Variants in CSMD1 observed in about 807,000 individuals in gnomAD.
CSMD1 encodes CUB and sushi domain-containing protein 1.
Under a neutral mutation model 417.5 loss-of-function variants are expected in CSMD1, and 213 were observed. That is an observed-to-expected ratio of 0.51 (90% CI 0.46 to 0.57). The LOEUF (loss-of-function observed/expected upper bound fraction) is 0.57. Among genes scored for constraint, CSMD1 ranks in the 20% least tolerant of loss-of-function variants. The pLI, the probability that CSMD1 is intolerant of heterozygous loss-of-function variation, is 0.00. For missense variants in CSMD1, 6,923 were observed against 4,529.7 expected, an observed-to-expected ratio of 1.53 and a Z score of -15.17; for synonymous variants, 2,862 against 1,736.8, an observed-to-expected ratio of 1.65 and a Z score of -16.11.
At chr8:4,928,965 G>C (rs766337462) in intron 1 of CSMD1, among the ~76,000 whole-genome samples, 3 of 152,044 alleles carry the variant, frequency 2.0e-5, no homozygotes, top group African/African-American at 7.2e-5. Flanking sequence ...CAGCTACTTG[G>C]AAGGCTGAAG....
At chr8:4,175,468 T>C (rs958785606) in intron 3 of CSMD1, among the ~76,000 whole-genome samples, 3 of 152,126 alleles carry the variant, frequency 2.0e-5, no homozygotes, top group African/African-American at 4.8e-5. Context: ...AGCAAAAGCA[T>C]CCAAAATTGT....
intron 41 of CSMD1, among the ~76,000 whole-genome samples, chr8:3,134,495 G>A (rs1817969451): frequency 6.6e-6 from 1 of 152,234 alleles, no homozygotes; most frequent in Non-Finnish European, 1.5e-5. Flanking sequence ...AGATCTGTCA[G>A]GTGTCAGGTC....
chr8:4,524,229 G>A (rs1186682260), intron 2 of CSMD1, among the ~76,000 whole-genome samples: 1 of 150,610 alleles, frequency 6.6e-6, no homozygotes, highest in Non-Finnish European at 1.5e-5. Flanking sequence ...ACATTGAAGT[G>A]TATAAAGAAT....
intron 3 of CSMD1, among the ~76,000 whole-genome samples, chr8:4,161,353 T>C (rs987471602): frequency 6.6e-6 from 1 of 152,228 alleles, no homozygotes; most frequent in South Asian, 2.1e-4. Flanking sequence ...TCTCTTTGAC[T>C]GTAAAAATGC....
At chr8:3,282,750 ACCAGAGG>A (rs1802834894) in intron 26 of CSMD1, among the ~76,000 whole-genome samples, 22 of 152,326 alleles carry the variant, frequency 1.4e-4, no homozygotes, top group Middle Eastern at 3.4e-3. Context: ...GCAGACTATA[ACCAGAGG>A]TAAGAAATTG....
chr8:4,264,477 C>T (rs1221389539), intron 3 of CSMD1, among the ~76,000 whole-genome samples: 2 of 152,152 alleles, frequency 1.3e-5, no homozygotes, highest in East Asian at 1.9e-4. Context: ...ACAATTCTCT[C>T]ATCGTTCTAG....
intron 3 of CSMD1, among the ~76,000 whole-genome samples, chr8:4,403,710 G>A (rs895941247): frequency 6.6e-6 from 1 of 152,046 alleles, no homozygotes; most frequent in Non-Finnish European, 1.5e-5. Flanking sequence ...ACCTCTTCAT[G>A]TCACTCTCTT....
At chr8:3,359,019 G>C (rs1808980687) in intron 21 of CSMD1, 133 bp downstream of exon 21, 1 of 752,380 alleles carries the variant, frequency 1.3e-6, no homozygotes, top group Non-Finnish European at 2.2e-6. Flanking sequence ...CTGGTTGGCA[G>C]AGTGGAGCCC....
chr8:3,004,865 G>A (rs952431440), intron 52 of CSMD1, among the ~76,000 whole-genome samples: 10 of 152,130 alleles, frequency 6.6e-5, no homozygotes, highest in East Asian at 1.9e-4. Flanking sequence ...GTGGCCAGGC[G>A]CAGTGGCTCA....
Position 4,602,246 on chromosome 8 carries a change from T to C in CSMD1, c.302+35096A>G, listed in dbSNP as rs572756712. Among the ~76,000 whole-genome samples the C allele has an allele frequency of 3.3e-5, 5 of 152,236 alleles. No homozygotes were observed. The South Asian group carries it at 1.0e-3, about 32-fold the overall frequency. On this transcript the variant is annotated intron_variant, in intron 2 of 69. Transcript: ENST00000635120. ...TGAAAATTGATGTTGTTGGGAGTTATTTTAGAAGAGAAAATCTCTTACTAA... is the reference window on the plus strand; with the variant it reads ...TGAAAATTGATGTTGTTGGGAGTTACTTTAGAAGAGAAAATCTCTTACTAA...
intron 1 of CSMD1, among the ~76,000 whole-genome samples, chr8:4,904,467 G>C (rs566763319): frequency 5.3e-5 from 8 of 152,240 alleles, no homozygotes; most frequent in Middle Eastern, 3.4e-3. Context: ...CATGTTCAAA[G>C]TCAAACAGCT....
At chr8:4,791,591 G>C (rs1797693298) in intron 1 of CSMD1, among the ~76,000 whole-genome samples, 1 of 152,174 alleles carries the variant, frequency 6.6e-6, no homozygotes, top group Non-Finnish European at 1.5e-5. Context: ...GAAATCTGAA[G>C]CAGGACCTTA....
chr8:3,391,257 A>G (rs1811329166), intron 17 of CSMD1, among the ~76,000 whole-genome samples: 1 of 152,242 alleles, frequency 6.6e-6, no homozygotes, highest in Admixed American at 6.5e-5. Context: ...ATAACATGAT[A>G]TATCAATCAC....
chr8:4,101,991 G>C (rs1801328235), intron 3 of CSMD1, among the ~76,000 whole-genome samples: 1 of 152,122 alleles, frequency 6.6e-6, no homozygotes, highest in Non-Finnish European at 1.5e-5. Flanking sequence ...TTGGGGACTG[G>C]GGACCCGGCA....
chr8:4,319,975 G>A (rs952949161), intron 3 of CSMD1, among the ~76,000 whole-genome samples: 3 of 151,982 alleles, frequency 2.0e-5, no homozygotes, highest in Non-Finnish European at 4.4e-5. Context: ...CAGGCAGAGT[G>A]GAAAAATATC....
At chr8:3,922,664 T>C (rs1006693837) in intron 5 of CSMD1, among the ~76,000 whole-genome samples, 1 of 152,192 alleles carries the variant, frequency 6.6e-6, no homozygotes, top group South Asian at 2.1e-4. Flanking sequence ...TAACTTTTAA[T>C]TGTGCTTTTC....
chr8:4,834,059 T>A (rs775712989), intron 1 of CSMD1, among the ~76,000 whole-genome samples: 12 of 152,152 alleles, frequency 7.9e-5, no homozygotes, highest in African/African-American at 2.4e-4. Context: ...CCATTAGCAA[T>A]GTAATTTTAC....
intron 3 of CSMD1, among the ~76,000 whole-genome samples, chr8:4,151,870 C>T (rs775041516): frequency 1.2e-4 from 18 of 152,078 alleles, no homozygotes; most frequent in Non-Finnish European, 1.8e-4. Flanking sequence ...TTTTCTATTG[C>T]AGGCACACAT....
chr8:4,821,127 G>A (rs888005886), intron 1 of CSMD1, among the ~76,000 whole-genome samples: 1 of 152,146 alleles, frequency 6.6e-6, no homozygotes, highest in Non-Finnish European at 1.5e-5. Context: ...GGTTGTATCA[G>A]GCAAGACGCC....
Sources: allele counts gnomAD v4.1 joint callset (sites outside exome capture counted in the v4.1 genomes callset), GRCh38; gene constraint gnomAD v4.1.1; transcripts MANE v1.5; gene names NCBI Gene and HGNC (gene_info 2026-07-23, HGNC 2026-07-21).